The following MORC1 variants were observed in gnomAD, a reference collection of about 807,000 sequenced individuals.
MORC1 encodes the protein MORC family CW-type zinc finger 1, also known as MORC family CW-type zinc finger protein 1.
MORC1 carries 59 observed loss-of-function variants against 134.9 expected under a neutral mutation model. That is an observed-to-expected ratio of 0.44 (90% CI 0.35 to 0.54). The LOEUF is 0.54. MORC1 is among the 20% of genes least tolerant of loss of function. MORC1 has a pLI of 0.00. For synonymous variants in MORC1, 395 were observed against 391.7 expected (o/e 1.01, Z -0.10); for missense variants, 947 against 1,134.5 (o/e 0.83, Z 2.37).
chr3:109,037,050 G>C (rs972485877), intron 14 of MORC1, among the ~76,000 whole-genome samples: 1 of 152,124 alleles, frequency 6.6e-6, no homozygotes, highest in Non-Finnish European at 1.5e-5. Flanking sequence ...ATAAAACCTG[G>C]AATTAGGTAG....
intron 20 of MORC1, among the ~76,000 whole-genome samples, chr3:109,002,253 A>T (rs1184553791): frequency 1.3e-5 from 2 of 152,230 alleles, no homozygotes; most frequent in East Asian, 3.8e-4. Flanking sequence ...GAGTTGCCAA[A>T]GAAAACACAA....
Position 109,080,306 on chromosome 3 carries a change from AG to A in MORC1, c.690-10550del, listed in dbSNP as rs1355599510. On this transcript the variant is annotated intron_variant, in intron 8 of 27. Coordinates refer to ENST00000232603, the MANE Select transcript of MORC1 (RefSeq NM_014429.4). Reference sequence around the variant, plus strand: ...AGGTAAAGAGAGAGAGAGTTTATGCAGGGGAATTCCTCTTTTTAAAACCATC... The same window carrying A: ...AGGTAAAGAGAGAGAGAGTTTATGCAGGGAATTCCTCTTTTTAAAACCATC... Among the ~76,000 whole-genome samples the A allele has an allele frequency of 4.6e-5, 7 of 152,276 alleles. No homozygotes were observed. The South Asian group carries it at 1.2e-3, about 27-fold the overall frequency.
At chr3:108,963,066 T>C (rs1346278172) in intron 27 of MORC1, among the ~76,000 whole-genome samples, 3 of 151,910 alleles carry the variant, frequency 2.0e-5, no homozygotes, top group East Asian at 1.9e-4. Flanking sequence ...TGTGTGCCTG[T>C]AGTTCCAGCT....
intron 8 of MORC1, among the ~76,000 whole-genome samples, chr3:109,086,490 G>A (rs1176449756): frequency 6.6e-6 from 1 of 151,962 alleles, no homozygotes; most frequent in African/African-American, 2.4e-5. Flanking sequence ...TATCAAACCT[G>A]ATGGATTGTG....
intron 6 of MORC1, among the ~76,000 whole-genome samples, chr3:109,095,379 CG>C (rs1414205699): frequency 6.6e-6 from 1 of 152,118 alleles, no homozygotes; most frequent in African/African-American, 2.4e-5. Context: ...TGACAGCACA[CG>C]CAAGAAAAGC....
intron 3 of MORC1, among the ~76,000 whole-genome samples, chr3:109,107,874 T>C (rs986550025): frequency 6.6e-6 from 1 of 152,166 alleles, no homozygotes; most frequent in Non-Finnish European, 1.5e-5. Flanking sequence ...AGTTCAGTTT[T>C]TCACAAAATA....
intron 17 of MORC1, among the ~76,000 whole-genome samples, chr3:109,012,680 A>T (rs572353579): frequency 1.1e-4 from 17 of 152,280 alleles, no homozygotes; most frequent in Non-Finnish European, 2.5e-4. Flanking sequence ...TGCTATTGGA[A>T]ATGGTATTTT....
chr3:109,055,458 C>T (rs34299429), intron 13 of MORC1, among the ~76,000 whole-genome samples: 23,301 of 152,086 alleles, frequency 0.15, 1,965 homozygotes, highest in African/African-American at 0.21. Flanking sequence ...GCCTTTTGCA[C>T]GGCACATGTG....
intron 14 of MORC1, among the ~76,000 whole-genome samples, chr3:109,037,081 A>G (rs899604955): frequency 2.6e-5 from 4 of 152,144 alleles, no homozygotes; most frequent in Non-Finnish European, 5.9e-5. Context: ...CATTCTTACA[A>G]TTCACTGAGG....
chr3:109,022,297 A>G (rs1948976796), intron 17 of MORC1, among the ~76,000 whole-genome samples: 1 of 152,212 alleles, frequency 6.6e-6, no homozygotes, highest in South Asian at 2.1e-4. Flanking sequence ...AAAAAGATTA[A>G]GTTCTACATG....
At chr3:108,974,872 T>C (rs940871477) in intron 24 of MORC1, among the ~76,000 whole-genome samples, 2 of 152,248 alleles carry the variant, frequency 1.3e-5, no homozygotes, top group African/African-American at 2.4e-5. Flanking sequence ...TGAATTTCTG[T>C]GGAATCCACA....
At chr3:109,112,607 C>A (rs551148449) in intron 2 of MORC1, among the ~76,000 whole-genome samples, 1 of 152,190 alleles carries the variant, frequency 6.6e-6, no homozygotes, top group Non-Finnish European at 1.5e-5. Context: ...GGGCTGGTCC[C>A]AAGAGAGCAC....
intron 24 of MORC1, among the ~76,000 whole-genome samples, chr3:108,974,751 CTTTG>C (rs1474329235): frequency 2.0e-5 from 3 of 152,144 alleles, no homozygotes; most frequent in Non-Finnish European, 4.4e-5. Flanking sequence ...AGAAATTTGT[CTTTG>C]TTTAACATTG....
rs1018770443 is a variant in MORC1 at position 109,027,871 on chromosome 3, A to G, written c.1584T>C (p.Cys528=). The G allele has an allele frequency of 3.1e-6, 5 of 1,613,466 alleles. No homozygotes were observed. The African/African-American group carries it at 6.7e-5, about 22-fold the overall frequency. The part of the protein sequence containing the change: ...RLENSCHQVE[C]LPSIPLGTMS... Reference sequence around the variant, plus strand: ...TGGTGCCCAGTGGGATGGAAGGTAGACATTCTACCTGATGACAACTTCAGA... The same window carrying G: ...TGGTGCCCAGTGGGATGGAAGGTAGGCATTCTACCTGATGACAACTTCAGA... The change falls in exon 17 of 28, where the codon TGT becomes TGC. Residue 528 remains cysteine, a synonymous_variant. Transcript: ENST00000232603.
intron 19 of MORC1, 39 bp downstream of exon 19, chr3:109,005,031 T>G: frequency 6.3e-7 from 1 of 1,586,336 alleles, no homozygotes; most frequent in Non-Finnish European, 8.6e-7. Context: ...ATTTCCAGAA[T>G]GAGTGAATTG....
At chr3:108,996,262 ATGTGCGCGTGCGTG>A (rs1236982288) in intron 21 of MORC1, among the ~76,000 whole-genome samples, 4 of 103,584 alleles carry the variant, frequency 3.9e-5, no homozygotes, top group Non-Finnish European at 6.7e-5. Context: ...GCCTGTGCAC[ATGTGCGCGTGCGTG>A]CGCGCGCGCG....
rs189418458 is a variant in MORC1, at chr3:109,097,333, T to A, written c.423+2025A>T. Among the ~76,000 whole-genome samples, 766 of 152,272 alleles carry A rather than the reference T, an allele frequency of 5.0e-3. 2 individuals are homozygous for A. Among genetic ancestry groups the A allele is most frequent in the Non-Finnish European group, 8.7e-3 (592 of 68,018 alleles). On this transcript the variant is annotated intron_variant, in intron 6 of 27. Coordinates refer to ENST00000232603, the MANE Select transcript of MORC1 (RefSeq NM_014429.4). ...AATAAATTCCAACCTAGAAATAATA[T>A]CAAGCCCAACTACCATTAAGTGTTA...
chr3:109,087,545 A>C (rs562796326), intron 8 of MORC1, among the ~76,000 whole-genome samples: 157 of 152,154 alleles, frequency 1.0e-3, no homozygotes, highest in Non-Finnish European at 2.0e-3. Flanking sequence ...CACAAGGAGA[A>C]TTACAAAACA....
At position 108,984,759 on chromosome 3, in the gene MORC1, C is replaced by A; in HGVS notation, c.2281G>T (p.Val761Phe). ...NQEKQELCND[V>F]LAMKRSSSLP... The stretch of plus-strand genomic sequence containing the variant: ...GAAGAGCTTCTTTTCATTGCTAGAA[C>A]ATCATTGCACAGCTCCTGTTTTTCT... The change falls in exon 23 of 28, where the codon GTT (valine) becomes TTT (phenylalanine). Residue 761 changes from valine (V) to phenylalanine (F), a missense_variant. Around this residue, in one of 3 missense-constraint regions of MORC1, gnomAD observed 722 missense variants for 817.0 expected, o/e 0.88. Transcript: ENST00000232603. 1 of 1,609,324 alleles carries A rather than the reference C, an allele frequency of 6.2e-7. No individual in the cohort carries two copies. Among genetic ancestry groups the A allele is most frequent in the Admixed American group, 1.7e-5 (1 of 59,070 alleles).
Sources: allele counts gnomAD v4.1 joint callset (sites outside exome capture counted in the v4.1 genomes callset), GRCh38; gene constraint gnomAD v4.1.1; regional missense constraint gnomAD v4.1.1; transcripts MANE v1.5; gene names NCBI Gene and HGNC (gene_info 2026-07-23, HGNC 2026-07-21).